Variants in NKAIN2 observed in about 807,000 individuals in gnomAD.
NKAIN2 encodes the protein sodium/potassium transporting ATPase interacting 2, also known as sodium/potassium-transporting ATPase subunit beta-1-interacting protein 2.
In NKAIN2, 14 loss-of-function variants were observed where a neutral mutation model predicts 32.6. The observed-to-expected ratio is 0.43, with a 90% CI of 0.28 to 0.67. NKAIN2 has a LOEUF of 0.67. Ranked by LOEUF, NKAIN2 falls within the 30% of genes least tolerant of loss-of-function variation. The pLI is 0.17. For synonymous variants in NKAIN2, 80 were observed against 87.2 expected (o/e 0.92, Z 0.46); for missense variants, 198 against 258.3 (o/e 0.77, Z 1.60).
intron 5 of NKAIN2, among the ~76,000 whole-genome samples, chr6:124,801,139 A>G (rs1009158682): frequency 3.9e-5 from 6 of 152,104 alleles, no homozygotes; most frequent in African/African-American, 1.4e-4. Context: ...TTTCCCATTC[A>G]TGCCTCAGTT....
At chr6:124,181,740 G>A (rs1292270076) in intron 1 of NKAIN2, among the ~76,000 whole-genome samples, 1 of 152,040 alleles carries the variant, frequency 6.6e-6, no homozygotes, top group African/African-American at 2.4e-5. Flanking sequence ...GCTCCCAACA[G>A]GTTTCTCATC....
At chr6:123,881,916 C>T (rs1582706416) in intron 1 of NKAIN2, among the ~76,000 whole-genome samples, 1 of 152,048 alleles carries the variant, frequency 6.6e-6, no homozygotes, top group African/African-American at 2.4e-5. Flanking sequence ...ACCTAAAATT[C>T]AATATTATTA....
intron 3 of NKAIN2, among the ~76,000 whole-genome samples, chr6:124,614,550 A>G (rs1448803993): frequency 6.6e-6 from 1 of 152,168 alleles, no homozygotes; most frequent in African/African-American, 2.4e-5. Context: ...AATTCCCTGC[A>G]TGTGAATATT....
intron 1 of NKAIN2, among the ~76,000 whole-genome samples, chr6:124,201,900 A>G (rs1291232549): frequency 1.3e-5 from 2 of 152,120 alleles, no homozygotes; most frequent in Non-Finnish European, 2.9e-5. Context: ...TTTATTTTCT[A>G]TATACCTATT....
At chr6:124,406,528 A>T (rs951660956) in intron 3 of NKAIN2, among the ~76,000 whole-genome samples, 1 of 152,192 alleles carries the variant, frequency 6.6e-6, no homozygotes, top group African/African-American at 2.4e-5. Flanking sequence ...AGACTTGTAT[A>T]TAATGATGCT....
intron 3 of NKAIN2, among the ~76,000 whole-genome samples, chr6:124,392,419 A>T (rs1048936407): frequency 1.3e-5 from 2 of 152,168 alleles, no homozygotes; most frequent in African/African-American, 4.8e-5. Context: ...ACAGAGCAAT[A>T]AATTGGTTAG....
intron 1 of NKAIN2, among the ~76,000 whole-genome samples, chr6:124,163,245 TA>T (rs1189861777): frequency 6.6e-6 from 1 of 151,978 alleles, no homozygotes; most frequent in Non-Finnish European, 1.5e-5. Context: ...ATACTGTAGT[TA>T]AAAAACAAAC....
chr6:124,144,830 A>G (rs375819640), intron 1 of NKAIN2, among the ~76,000 whole-genome samples: 85 of 152,214 alleles, frequency 5.6e-4, no homozygotes, highest in African/African-American at 1.8e-3. Flanking sequence ...TGAAGAAGAT[A>G]AAAAGACAAG....
At chr6:123,879,166 G>A (rs557607997) in intron 1 of NKAIN2, among the ~76,000 whole-genome samples, 5 of 152,254 alleles carry the variant, frequency 3.3e-5, no homozygotes, top group East Asian at 3.9e-4. Flanking sequence ...GAGCTGAGTC[G>A]AACTGTTGGG....
chr6:124,383,819 A>C (rs12528091), intron 3 of NKAIN2, among the ~76,000 whole-genome samples: 37,989 of 151,878 alleles, frequency 0.25, 6,476 homozygotes, highest in African/African-American at 0.49. Flanking sequence ...ATTGTTCTGT[A>C]TTCCATACCT....
intron 4 of NKAIN2, among the ~76,000 whole-genome samples, chr6:124,709,774 A>C (rs1356174957): frequency 6.6e-6 from 1 of 151,604 alleles, no homozygotes; most frequent in Non-Finnish European, 1.5e-5. Context: ...ATCCTTTCAA[A>C]AAACCAGCTC....
chr6:124,325,581 G>A (rs771930197), intron 2 of NKAIN2, among the ~76,000 whole-genome samples: 12 of 152,094 alleles, frequency 7.9e-5, no homozygotes, highest in Non-Finnish European at 1.6e-4. Context: ...TAAGCTACTG[G>A]CACATGCAAT....
rs75623863 is a variant in NKAIN2, at chr6:124,322,787, T to C, written c.193-32480T>C. Among the ~76,000 whole-genome samples, 900 of 152,328 alleles carry C rather than the reference T, an allele frequency of 5.9e-3. 7 individuals are homozygous for C. Among genetic ancestry groups the C allele is most frequent in the African/African-American group, 0.021 (862 of 41,574 alleles). Reference sequence around the variant, plus strand: ...CAGGAATAAAGACTCAGCAGTGTAATTGGCATATCATATGGTCAGTAGGCT... The same window carrying C: ...CAGGAATAAAGACTCAGCAGTGTAACTGGCATATCATATGGTCAGTAGGCT... On this transcript the variant is annotated intron_variant, in intron 2 of 6. Coordinates refer to ENST00000368417, the MANE Select transcript of NKAIN2 (RefSeq NM_001040214.3).
intron 4 of NKAIN2, among the ~76,000 whole-genome samples, chr6:124,772,803 G>C (rs753032902): frequency 4.6e-5 from 7 of 152,174 alleles, no homozygotes; most frequent in Non-Finnish European, 7.3e-5. Context: ...CTCAGACACT[G>C]TGGAATCCAA....
intron 2 of NKAIN2, among the ~76,000 whole-genome samples, chr6:124,346,191 T>C (rs140564251): frequency 0.015 from 2,325 of 152,264 alleles, 66 homozygotes; most frequent in African/African-American, 0.053. Context: ...GCACTGTGGT[T>C]TGAGAGACAG....
At chr6:124,392,749 G>A (rs780001354) in intron 3 of NKAIN2, among the ~76,000 whole-genome samples, 1 of 152,152 alleles carries the variant, frequency 6.6e-6, no homozygotes, top group Non-Finnish European at 1.5e-5. Flanking sequence ...AAAAGTTGCT[G>A]CATTTGACAG....
At chr6:124,161,371 C>A (rs9942511) in intron 1 of NKAIN2, among the ~76,000 whole-genome samples, 1 of 152,178 alleles carries the variant, frequency 6.6e-6, no homozygotes, top group East Asian at 1.9e-4. Flanking sequence ...TCAAACACCT[C>A]ACACTAGGCC....
chr6:124,475,728 A>G (rs1204557775), intron 3 of NKAIN2, among the ~76,000 whole-genome samples: 1 of 152,168 alleles, frequency 6.6e-6, no homozygotes, highest in African/African-American at 2.4e-5. Context: ...GGTGAGCTGT[A>G]GTTCTGATTC....
At chr6:124,162,008 A>C (rs1788304379) in intron 1 of NKAIN2, among the ~76,000 whole-genome samples, 1 of 152,194 alleles carries the variant, frequency 6.6e-6, no homozygotes, top group Admixed American at 6.6e-5. Context: ...TTTGAAGTTT[A>C]ACAGGGATTG....
Sources: gnomAD v4.1 joint callset for allele counts (sites outside exome capture counted in the v4.1 genomes callset) on GRCh38, gnomAD v4.1.1 for gene constraint, MANE v1.5 for transcripts, NCBI Gene and HGNC (gene_info 2026-07-23, HGNC 2026-07-21) for gene names.